Variants in RASAL2 observed in about 807,000 individuals in gnomAD.
RASAL2 encodes RAS protein activator like 2.
A neutral mutation model predicts 128.9 loss-of-function variants in RASAL2; 58 were observed. The ratio of observed to expected loss-of-function variants is 0.45; its 90% CI spans 0.36 to 0.56. RASAL2 has a LOEUF of 0.56. Among genes scored for constraint, RASAL2 ranks in the 20% least tolerant of loss-of-function variants. RASAL2 has a pLI of 0.00. For missense variants in RASAL2, 1,360 were observed against 1,601.6 expected (o/e 0.85, Z 2.57); for synonymous variants, 561 against 580.8 (o/e 0.97, Z 0.49).
chr1:178,104,116 TA>T (rs1004495030), intron 1 of RASAL2, among the ~76,000 whole-genome samples: 12 of 152,182 alleles, frequency 7.9e-5, no homozygotes, highest in African/African-American at 2.9e-4. Context: ...TCGTTGGTTT[TA>T]TTTTTTACAT....
At chr1:178,331,214 C>T (rs1669289817) in intron 3 of RASAL2, among the ~76,000 whole-genome samples, 2 of 152,176 alleles carry the variant, frequency 1.3e-5, no homozygotes, top group Non-Finnish European at 2.9e-5. Context: ...GGGTTTTGCT[C>T]TGTCACCCAG....
At chr1:178,372,815 C>T (rs1212848616) in intron 3 of RASAL2, among the ~76,000 whole-genome samples, 2 of 152,160 alleles carry the variant, frequency 1.3e-5, no homozygotes, top group Admixed American at 1.3e-4. Flanking sequence ...GACACATGGA[C>T]CTCCCATTGC....
At chr1:178,166,746 A>AT (rs573218142) in intron 1 of RASAL2, among the ~76,000 whole-genome samples, 32 of 152,212 alleles carry the variant, frequency 2.1e-4, no homozygotes, top group Middle Eastern at 3.4e-3. Flanking sequence ...CATTAGGAGT[A>AT]TTTTTTCGTG....
chr1:178,457,564 C>T, intron 13 of RASAL2, 119 bp from the exon 14 acceptor site: 1 of 1,044,640 alleles, frequency 9.6e-7, no homozygotes, highest in Non-Finnish European at 1.4e-6. Context: ...TCTGAGTTTC[C>T]AAAGAAATGT....
At chr1:178,149,786 T>C (rs1036048347) in intron 1 of RASAL2, among the ~76,000 whole-genome samples, 3 of 152,190 alleles carry the variant, frequency 2.0e-5, no homozygotes, top group Non-Finnish European at 4.4e-5. Context: ...TTTGTTGTAC[T>C]TAAAAATAAA....
At chr1:178,161,164 A>G (rs986084064) in intron 1 of RASAL2, among the ~76,000 whole-genome samples, 1 of 151,964 alleles carries the variant, frequency 6.6e-6, no homozygotes, top group Non-Finnish European at 1.5e-5. Context: ...TTTAAAACGT[A>G]CAATTAAGTA....
At chr1:178,156,893 T>G (rs1661104125) in intron 1 of RASAL2, among the ~76,000 whole-genome samples, 1 of 152,190 alleles carries the variant, frequency 6.6e-6, no homozygotes, top group Non-Finnish European at 1.5e-5. Context: ...CATAAAATCC[T>G]CATCAGTGTT....
chr1:178,221,453 TAA>T (rs949761889), intron 1 of RASAL2, among the ~76,000 whole-genome samples: 45 of 152,216 alleles, frequency 3.0e-4, no homozygotes, highest in African/African-American at 9.9e-4. Context: ...CAAATTCTGA[TAA>T]GTTATATCAT....
intron 1 of RASAL2, among the ~76,000 whole-genome samples, chr1:178,184,045 T>A (rs1662207729): frequency 6.6e-6 from 1 of 152,208 alleles, no homozygotes. Context: ...ATTCCCCTAA[T>A]GAAAGATGAT....
chr1:178,273,503 C>T (rs1666355649), intron 1 of RASAL2, among the ~76,000 whole-genome samples: 1 of 152,146 alleles, frequency 6.6e-6, no homozygotes, highest in Non-Finnish European at 1.5e-5. Context: ...TAAACATACC[C>T]ACTAACAGGT....
At chr1:178,238,234 C>G (rs1664341998) in intron 1 of RASAL2, among the ~76,000 whole-genome samples, 1 of 152,146 alleles carries the variant, frequency 6.6e-6, no homozygotes, top group Non-Finnish European at 1.5e-5. Context: ...ATGGCTCCTC[C>G]ATGTTATAGC....
intron 15 of RASAL2, 92 bp from the exon 16 acceptor site, chr1:178,465,824 GAAAA>G (rs879193994): frequency 2.6e-6 from 3 of 1,150,764 alleles, no homozygotes; most frequent in Middle Eastern, 2.1e-4. Flanking sequence ...AAAAGAAAAA[GAAAA>G]AAAGAAAGAA....
chr1:178,350,774 T>C (rs1424370461), intron 3 of RASAL2, among the ~76,000 whole-genome samples: 1 of 152,174 alleles, frequency 6.6e-6, no homozygotes, highest in Non-Finnish European at 1.5e-5. Flanking sequence ...ATGTCCCATT[T>C]CCATGGCCCC....
intron 12 of RASAL2, chr1:178,456,518 G>A: frequency 1.5e-6 from 1 of 664,616 alleles, no homozygotes. Flanking sequence ...GCCGCACCTT[G>A]TTTCGCCTCC....
chr1:178,261,617 T>C (rs1016590210), intron 1 of RASAL2, among the ~76,000 whole-genome samples: 4 of 152,152 alleles, frequency 2.6e-5, no homozygotes, highest in African/African-American at 4.8e-5. Context: ...GGAACATAAC[T>C]GTAAGGATTA....
chr1:178,356,306 CT>C lies in RASAL2; in HGVS notation c.458-33792del, dbSNP rs376508306. On this transcript the variant is annotated intron_variant, in intron 3 of 17. Transcript: ENST00000367649. ...CCTACATTGCTAGTGGGAGTAAAAACTTGTACAGTTTCATTGGAGAACACTT... is the reference window on the plus strand; with the variant it reads ...CCTACATTGCTAGTGGGAGTAAAAACTGTACAGTTTCATTGGAGAACACTT... Among the ~76,000 whole-genome samples the C allele has an allele frequency of 2.0e-4, 30 of 151,804 alleles. No homozygotes were observed. The East Asian group carries it at 5.6e-3, about 28-fold the overall frequency.
At position 178,167,261 on chromosome 1, in the gene RASAL2, T is replaced by C. The variant is rs1053683107; in HGVS notation, c.202+72567T>C. Among the ~76,000 whole-genome samples, 10 of 152,136 alleles carry C rather than the reference T, an allele frequency of 6.6e-5. No homozygotes were observed. The East Asian group carries it at 1.9e-3, about 29-fold the overall frequency. On this transcript the variant is annotated intron_variant, in intron 1 of 17. Coordinates refer to ENST00000367649, the MANE Select transcript of RASAL2 (RefSeq NM_170692.4). ...AGTTTAAATTAGAGAGACAGACAGA[T>C]AAAGCAGTAACAGAATCAGAGAATT...
chr1:178,211,199 G>T (rs1158717161), intron 1 of RASAL2, among the ~76,000 whole-genome samples: 2 of 152,104 alleles, frequency 1.3e-5, no homozygotes, highest in South Asian at 2.1e-4. Context: ...ACTCAACCAA[G>T]AACTTCTTCA....
intron 1 of RASAL2, among the ~76,000 whole-genome samples, chr1:178,243,664 G>A (rs1221703285): frequency 6.6e-6 from 1 of 151,794 alleles, no homozygotes; most frequent in African/African-American, 2.4e-5. Flanking sequence ...CTGTTCCTAG[G>A]TTTGAGGTCA....
Sources: gnomAD v4.1 joint callset for allele counts (sites outside exome capture counted in the v4.1 genomes callset) on GRCh38, gnomAD v4.1.1 for gene constraint, MANE v1.5 for transcripts, NCBI Gene and HGNC (gene_info 2026-07-23, HGNC 2026-07-21) for gene names.